The following NPSR1 variants were observed in gnomAD, a reference collection of about 807,000 sequenced individuals.
The protein encoded by NPSR1 is neuropeptide S receptor 1.
In NPSR1, 48 loss-of-function variants were observed where a neutral mutation model predicts 46.9. That is an observed-to-expected ratio of 1.02 (90% confidence interval 0.81 to 1.30). NPSR1 has a LOEUF of 1.30. Among genes scored for constraint, NPSR1 ranks in the 50% most tolerant of loss-of-function variants. The pLI, the probability that NPSR1 is intolerant of heterozygous loss-of-function variation, is 0.00. For synonymous variants in NPSR1, 176 were observed against 168.1 expected, an observed-to-expected ratio of 1.05 and a Z score of -0.36; for missense variants, 450 against 449.5, an observed-to-expected ratio of 1.00 and a Z score of -0.01.
intron 8 of NPSR1, among the ~76,000 whole-genome samples, chr7:34,865,415 C>T (rs761685147): frequency 7.3e-5 from 11 of 151,560 alleles, no homozygotes; most frequent in Non-Finnish European, 1.0e-4. Flanking sequence ...AAAAAGAGGG[C>T]GAGGCTGAGC....
chr7:34,666,513 T>C (rs1029993821), intron 1 of NPSR1, among the ~76,000 whole-genome samples: 26 of 152,012 alleles, frequency 1.7e-4, no homozygotes, highest in Admixed American at 9.8e-4. Context: ...AATTCAGACA[T>C]AATGCATGGA....
intron 2 of NPSR1, among the ~76,000 whole-genome samples, chr7:34,746,513 G>T (rs1206603834): frequency 6.6e-6 from 1 of 152,186 alleles, no homozygotes; most frequent in Non-Finnish European, 1.5e-5. Context: ...ACTATCTGCA[G>T]TTGGAACTCT....
At chr7:34,720,540 G>A (rs1014807608) in intron 2 of NPSR1, among the ~76,000 whole-genome samples, 1 of 152,156 alleles carries the variant, frequency 6.6e-6, no homozygotes, top group Non-Finnish European at 1.5e-5. Context: ...TGTGAGTTGG[G>A]AAAAGTTCTC....
At chr7:34,861,889 C>A (rs112916809) in intron 8 of NPSR1, among the ~76,000 whole-genome samples, 2 of 151,834 alleles carry the variant, frequency 1.3e-5, no homozygotes, top group African/African-American at 4.9e-5. Context: ...GAAGAACCCA[C>A]CCCTGATATC....
chr7:34,769,471 G>A (rs554405343), intron 2 of NPSR1, among the ~76,000 whole-genome samples: 38 of 152,248 alleles, frequency 2.5e-4, no homozygotes, highest in African/African-American at 8.4e-4. Flanking sequence ...ATTGGCATGT[G>A]AGACCCAGAA....
intron 2 of NPSR1, among the ~76,000 whole-genome samples, chr7:34,730,262 A>G (rs1466630076): frequency 6.6e-6 from 1 of 152,160 alleles, no homozygotes; most frequent in Non-Finnish European, 1.5e-5. Flanking sequence ...TTTGAAATGA[A>G]TAGAGAAAAA....
chr7:34,820,435 A>G (rs1019522356), intron 4 of NPSR1, among the ~76,000 whole-genome samples: 2 of 152,136 alleles, frequency 1.3e-5, no homozygotes, highest in African/African-American at 4.8e-5. Flanking sequence ...AGTTATTATG[A>G]TAGGGGAGGC....
chr7:34,722,172 C>G (rs1018276162), intron 2 of NPSR1, among the ~76,000 whole-genome samples: 2 of 151,886 alleles, frequency 1.3e-5, no homozygotes, highest in African/African-American at 4.8e-5. Context: ...GTGTAATTTG[C>G]AATATTCATT....
rs374455709 is a variant in NPSR1, at chr7:34,792,715, T to TTATA, written c.384+14166_384+14169dup. Among the ~76,000 whole-genome samples, 69 of 98,922 alleles carry TTATA rather than the reference T, an allele frequency of 7.0e-4. 1 individual carries two copies. Among genetic ancestry groups the TTATA allele is most frequent in the African/African-American group, 2.5e-3 (65 of 25,838 alleles). 64.9% of individuals were successfully genotyped at this position (98,922 alleles called of 152,430 possible). ...TATATATATACGTATATATATATATTTATATATATATATATATATTAGCCA... is the reference window on the plus strand; with the variant it reads ...TATATATATACGTATATATATATATTTATATATATATATATATATATATTAGCCA... On this transcript the variant is annotated intron_variant, in intron 3 of 8. Transcript: ENST00000360581.
At chr7:34,772,250 G>T (rs1786719789) in intron 2 of NPSR1, among the ~76,000 whole-genome samples, 1 of 152,122 alleles carries the variant, frequency 6.6e-6, no homozygotes, top group Non-Finnish European at 1.5e-5. Flanking sequence ...ATGACAGTGT[G>T]ACTTTCCATT....
At chr7:34,835,090 A>G (rs553991433) in intron 6 of NPSR1, among the ~76,000 whole-genome samples, 5 of 152,312 alleles carry the variant, frequency 3.3e-5, no homozygotes, top group Non-Finnish European at 5.9e-5. Context: ...GGAAAACATT[A>G]CTGGACCTGA....
At chr7:34,809,953 C>T (rs896428592) in intron 3 of NPSR1, among the ~76,000 whole-genome samples, 1 of 152,166 alleles carries the variant, frequency 6.6e-6, no homozygotes, top group Non-Finnish European at 1.5e-5. Context: ...CATGTCCCTG[C>T]AAAGCACATT....
intron 3 of NPSR1, among the ~76,000 whole-genome samples, chr7:34,810,851 G>T (rs903136871): frequency 6.6e-6 from 1 of 152,140 alleles, no homozygotes; most frequent in Non-Finnish European, 1.5e-5. Flanking sequence ...TCTAGCACCA[G>T]GAACCAAACT....
chr7:34,676,137 G>A (rs1389767527), intron 1 of NPSR1, among the ~76,000 whole-genome samples: 1 of 152,156 alleles, frequency 6.6e-6, no homozygotes, highest in Admixed American at 6.5e-5. Flanking sequence ...CAGTGAGTTA[G>A]TTATCACCCC....
At chr7:34,730,258 A>G (rs1784361899) in intron 2 of NPSR1, among the ~76,000 whole-genome samples, 1 of 152,194 alleles carries the variant, frequency 6.6e-6, no homozygotes, top group Admixed American at 6.5e-5. Context: ...TGCATTTGAA[A>G]TGAATAGAGA....
chr7:34,829,976 C>T (rs901154701), intron 5 of NPSR1, among the ~76,000 whole-genome samples: 27 of 152,212 alleles, frequency 1.8e-4, no homozygotes, highest in African/African-American at 6.0e-4. Context: ...GCTCCTCTTC[C>T]ATCACCTTCC....
At chr7:34,783,520 T>C (rs191751999) in intron 3 of NPSR1, among the ~76,000 whole-genome samples, 5 of 152,120 alleles carry the variant, frequency 3.3e-5, no homozygotes, top group Admixed American at 2.6e-4. Flanking sequence ...GGTAGGAACA[T>C]AGCCAAACTA....
At chr7:34,732,079 CAAAAAAAAA>C (rs535991989) in intron 2 of NPSR1, among the ~76,000 whole-genome samples, 22 of 93,896 alleles carry the variant, frequency 2.3e-4, no homozygotes, top group Admixed American at 4.8e-4. Flanking sequence ...GACTTCATCT[CAAAAAAAAA>C]AAAAAAAAAA....
intron 2 of NPSR1, among the ~76,000 whole-genome samples, chr7:34,764,947 T>C (rs901372755): frequency 6.6e-6 from 1 of 152,080 alleles, no homozygotes; most frequent in African/African-American, 2.4e-5. Flanking sequence ...GTAGCAAGCA[T>C]TGAGTAACAA....
Sources: gnomAD v4.1 joint callset for allele counts (sites outside exome capture counted in the v4.1 genomes callset) on GRCh38, gnomAD v4.1.1 for gene constraint, MANE v1.5 for transcripts, NCBI Gene and HGNC (gene_info 2026-07-23, HGNC 2026-07-21) for gene names.